Variants in FMN2 observed in about 807,000 individuals in gnomAD.
FMN2 encodes formin-2.
In FMN2, 51 loss-of-function variants were observed where a neutral mutation model predicts 142.3. The observed-to-expected ratio is 0.36, with a 90% CI of 0.29 to 0.45. The LOEUF (loss-of-function observed/expected upper bound fraction) is 0.45. FMN2 is among the 20% of genes least tolerant of loss of function. The pLI is 1.00. For missense variants in FMN2, 1,936 were observed against 2,122.8 expected (o/e 0.91, Z 1.73); for synonymous variants, 882 against 869.8 (o/e 1.01, Z -0.25).
At chr1:240,268,884 A>G (rs1381426140) in intron 7 of FMN2, among the ~76,000 whole-genome samples, 3 of 152,032 alleles carry the variant, frequency 2.0e-5, no homozygotes, top group East Asian at 1.9e-4. Context: ...GCCCATTTTC[A>G]ATAGGGTTAT....
chr1:240,458,088 G>A (rs66965893), intron 16 of FMN2: 9,898 of 152,252 alleles, frequency 0.065, 412 homozygotes, highest in Middle Eastern at 0.14. Context: ...TGAGGCATTG[G>A]TATATGTAAA....
intron 2 of FMN2, among the ~76,000 whole-genome samples, chr1:240,169,135 C>T (rs10047056): frequency 0.26 from 39,968 of 152,086 alleles, 5,334 homozygotes; most frequent in South Asian, 0.34. Context: ...CGCTTGAACC[C>T]GGGATGCAGA....
intron 8 of FMN2, among the ~76,000 whole-genome samples, chr1:240,301,933 C>T (rs994761918): frequency 6.6e-6 from 1 of 151,794 alleles, no homozygotes; most frequent in African/African-American, 2.4e-5. Flanking sequence ...TCTCGTCCTT[C>T]AACCTGAAAC....
chr1:240,375,674 T>C (rs1673017980), intron 14 of FMN2, among the ~76,000 whole-genome samples: 2 of 152,238 alleles, frequency 1.3e-5, no homozygotes, highest in African/African-American at 4.8e-5. Flanking sequence ...GCTTTCTACT[T>C]TCTATCCACA....
chr1:240,206,855 G>A lies in FMN2; in HGVS notation c.2043G>A (p.Gln681=). Residue 681 remains glutamine, a synonymous_variant, in exon 5 of 18, where the codon CAG becomes CAA. Coordinates refer to ENST00000319653, the MANE Select transcript of FMN2 (RefSeq NM_020066.5). ...GQATVIQQLE[Q]TIEDLRTKIA... ...CCACTGTAATTCAGCAGCTGGAACA[G>A]ACTATTGAGGATCTGAGAACCAAAA... is the stretch of plus-strand genomic sequence containing the variant. The A allele has an allele frequency of 6.2e-7, 1 of 1,614,152 alleles. No homozygotes were observed. Among genetic ancestry groups the A allele is most frequent in the Non-Finnish European group, 8.5e-7 (1 of 1,180,012 alleles).
chr1:240,353,937 T>G (rs1399441974), intron 13 of FMN2, among the ~76,000 whole-genome samples: 1 of 152,098 alleles, frequency 6.6e-6, no homozygotes, highest in Non-Finnish European at 1.5e-5. Flanking sequence ...CAGGGGCAGT[T>G]ACATCTGGAG....
chr1:240,202,487 T>G lies in FMN2; in HGVS notation c.1987-4312T>G, dbSNP rs534573593. 3.9e-5 allele frequency among the ~76,000 whole-genome samples: 6 copies of G among 152,190 alleles called. No homozygotes were observed. The East Asian group carries it at 1.2e-3, about 29-fold the overall frequency. ...AGGCCATTATTAGGATCATTTTCTT[T>G]TTATTACTATTGTTGTTTTTTATAT... On this transcript the variant is annotated intron_variant, in intron 4 of 17. Coordinates refer to ENST00000319653, the MANE Select transcript of FMN2 (RefSeq NM_020066.5).
intron 4 of FMN2, among the ~76,000 whole-genome samples, chr1:240,205,089 C>T (rs1444352522): frequency 1.3e-5 from 2 of 152,112 alleles, no homozygotes; most frequent in African/African-American, 2.4e-5. Context: ...GTATAAGTGT[C>T]AGCCTCCCAG....
chr1:240,464,704 C>T (rs768356483), intron 16 of FMN2, among the ~76,000 whole-genome samples: 2 of 152,066 alleles, frequency 1.3e-5, no homozygotes, highest in Non-Finnish European at 2.9e-5. Flanking sequence ...GCCCCGGACC[C>T]CCAGGGAGCT....
In FMN2 at chr1:240,211,080, C is replaced by T; in HGVS notation, c.3921-11C>T. 1 of 1,588,300 alleles carries T rather than the reference C, an allele frequency of 6.3e-7. No individual in the cohort carries two copies. Among genetic ancestry groups the T allele is most frequent in the Admixed American group, 1.8e-5 (1 of 54,750 alleles). On this transcript the variant is annotated splice_polypyrimidine_tract_variant and intron_variant, in intron 5 of 17. Transcript: ENST00000319653. The stretch of plus-strand genomic sequence containing the variant: ...TGATGGCTGTTTTATTGTTCTTTTG[C>T]TTAATTTTAGAGACTCCAGTACTTC...
At chr1:240,394,969 A>AAAAT (rs1490507132) in intron 15 of FMN2, among the ~76,000 whole-genome samples, 3 of 152,258 alleles carry the variant, frequency 2.0e-5, no homozygotes, top group African/African-American at 2.4e-5. Context: ...CTCATTCTCA[A>AAAAT]AAATAAGTAA....
chr1:240,357,200 A>C (rs1672299909), intron 14 of FMN2, among the ~76,000 whole-genome samples: 1 of 152,228 alleles, frequency 6.6e-6, no homozygotes, highest in Admixed American at 6.5e-5. Flanking sequence ...TCTTATAAGA[A>C]GAAAGGAATC....
In FMN2 at chr1:240,208,269, C is replaced by T; in HGVS notation, c.3457C>T (p.Pro1153Ser). The change falls in exon 5 of 18, where the codon CCT (proline) becomes TCT (serine). Residue 1153 changes from proline to serine, a missense_variant. By Grantham distance (74) the Pro-to-Ser change is moderately conservative (BLOSUM62 -1). Transcript: ENST00000319653. ...PPPLPRVGIPPPPPLPGAGIP... is the reference protein window; with the variant it reads ...PPPLPRVGIPSPPPLPGAGIP... ...CCCTCTACCCAGAGTGGGCATACCC[C>T]CTCCGCCCCCACTTCCCGGAGCGGG... 1 of 438,444 alleles carries T rather than the reference C, an allele frequency of 2.3e-6. No homozygotes were observed. Among genetic ancestry groups the T allele is most frequent in the Non-Finnish European group, 3.7e-6 (1 of 267,956 alleles). The allele number at this position is 438,444 out of a possible 1,614,324, so 27.2% of individuals were successfully genotyped here.
chr1:240,240,511 G>A (rs138005490), intron 6 of FMN2, among the ~76,000 whole-genome samples: 7 of 152,240 alleles, frequency 4.6e-5, no homozygotes, highest in African/African-American at 1.7e-4. Context: ...TATTTGTGAT[G>A]ATTAATATCT....
chr1:240,170,701 G>C (rs185969368), intron 2 of FMN2: 61 of 1,558,860 alleles, frequency 3.9e-5, no homozygotes, highest in Non-Finnish European at 5.2e-5. Context: ...TGGCATTTCA[G>C]CTGGTTATGG....
chr1:240,351,468 T>C lies in FMN2; in HGVS notation c.4766-4348T>C, dbSNP rs567358315. ...TTCTAGAGCTGAAATTCTACATGTT[T>C]CCCAGTGTGCACAGGAAATTCTATA... On this transcript the variant is annotated intron_variant, in intron 13 of 17. Coordinates refer to ENST00000319653, the MANE Select transcript of FMN2 (RefSeq NM_020066.5). Among the ~76,000 whole-genome samples the C allele has an allele frequency of 3.3e-5, 5 of 152,256 alleles. No individual in the cohort carries two copies. In the East Asian group the frequency reaches 9.6e-4, roughly 29 times the overall value.
chr1:240,432,442 T>TA (rs1212856237), intron 15 of FMN2, among the ~76,000 whole-genome samples: 1 of 151,990 alleles, frequency 6.6e-6, no homozygotes, highest in Non-Finnish European at 1.5e-5. Flanking sequence ...AGCTTTTCAA[T>TA]AAACCAACTT....
At chr1:240,429,492 T>A (rs1675065407) in intron 15 of FMN2, among the ~76,000 whole-genome samples, 1 of 152,208 alleles carries the variant, frequency 6.6e-6, no homozygotes, top group South Asian at 2.1e-4. Context: ...TTGTAAACAT[T>A]AAAAATGCAC....
chr1:240,201,488 G>T (rs1666119869), intron 4 of FMN2, among the ~76,000 whole-genome samples: 1 of 152,070 alleles, frequency 6.6e-6, no homozygotes, highest in Non-Finnish European at 1.5e-5. Context: ...AAATGAATTT[G>T]CATATTAGGA....
Sources: allele counts gnomAD v4.1 joint callset (sites outside exome capture counted in the v4.1 genomes callset), GRCh38; gene constraint gnomAD v4.1.1; transcripts MANE v1.5; gene names NCBI Gene and HGNC (gene_info 2026-07-23, HGNC 2026-07-21).